The following SAMTOR variants were observed in gnomAD, a reference collection of about 807,000 sequenced individuals.
SAMTOR encodes the protein S-adenosylmethionine sensor upstream of mTORC1.
At chr7:112,896,026 C>T in the SAMTOR span, among the ~76,000 whole-genome samples, 2 of 152,132 alleles carry the variant, frequency 1.3e-5, no homozygotes, top group African/African-American at 4.8e-5. Context: ...TCGACTAAAA[C>T]TTCTCCAGCA....
At chr7:112,870,353 A>G in the SAMTOR span, among the ~76,000 whole-genome samples, 1 of 152,230 alleles carries the variant, frequency 6.6e-6, no homozygotes, top group African/African-American at 2.4e-5. Flanking sequence ...CTTACAAGCC[A>G]TAAGAGATTG....
the SAMTOR span, among the ~76,000 whole-genome samples, chr7:112,902,516 G>A: frequency 6.6e-6 from 1 of 150,664 alleles, no homozygotes; most frequent in Admixed American, 6.6e-5. Flanking sequence ...GGATTTTTAG[G>A]GCAGTTAAAC....
At chr7:112,939,346 G>T in the SAMTOR span, 2 of 581,122 alleles carry the variant, frequency 3.4e-6, no homozygotes, top group East Asian at 3.0e-5. Flanking sequence ...CTTGGAGGGG[G>T]TGGGGACTCA....
At chr7:112,906,042 T>G in the SAMTOR span, among the ~76,000 whole-genome samples, 17 of 152,074 alleles carry the variant, frequency 1.1e-4, no homozygotes, top group Non-Finnish European at 2.2e-4. Flanking sequence ...TGTAAAACAT[T>G]AAAAAATGAA....
chr7:112,856,126 T>C, the SAMTOR span, among the ~76,000 whole-genome samples: 12 of 152,308 alleles, frequency 7.9e-5, no homozygotes, highest in East Asian at 2.3e-3. Flanking sequence ...AGAAATTCAG[T>C]TAAATGAATG....
At chr7:112,902,028 C>T in the SAMTOR span, among the ~76,000 whole-genome samples, 1 of 152,002 alleles carries the variant, frequency 6.6e-6, no homozygotes, top group Non-Finnish European at 1.5e-5. Context: ...GTAAAAGAAG[C>T]CAATCAGAAA....
At chr7:112,834,236 A>T in the SAMTOR span, among the ~76,000 whole-genome samples, 1 of 152,224 alleles carries the variant, frequency 6.6e-6, no homozygotes, top group East Asian at 1.9e-4. Flanking sequence ...ATGAACATGA[A>T]TAGTTATCCA....
At chr7:112,827,357 TTCCCCTCTTCCTTCA>T in the SAMTOR span, among the ~76,000 whole-genome samples, 8 of 152,234 alleles carry the variant, frequency 5.3e-5, no homozygotes, top group Admixed American at 5.2e-4. Context: ...TGTTGTTCCC[TTCCCCTCTTCCTTCA>T]TCTTTTGAAT....
the SAMTOR span, among the ~76,000 whole-genome samples, chr7:112,902,448 A>AAAAAAAAAAAAAC: frequency 2.5e-5 from 3 of 120,344 alleles, 1 homozygote; most frequent in Non-Finnish European, 5.2e-5. Context: ...ACAAAAAAAA[A>AAAAAAAAAAAAAC]CAAAAAAAAA....
At chr7:112,927,553 T>G in the SAMTOR span, among the ~76,000 whole-genome samples, 4 of 151,956 alleles carry the variant, frequency 2.6e-5, no homozygotes, top group Middle Eastern at 3.2e-3. Flanking sequence ...CTTATAGGCA[T>G]TCTAGAAAAA....
chr7:112,914,103 GAATT>G, the SAMTOR span, among the ~76,000 whole-genome samples: 1 of 151,858 alleles, frequency 6.6e-6, no homozygotes, highest in African/African-American at 2.4e-5. Context: ...ATTTTTCTCT[GAATT>G]ATTTGTTGAA....
chr7:112,909,821 G>A, the SAMTOR span, among the ~76,000 whole-genome samples: 3 of 151,278 alleles, frequency 2.0e-5, no homozygotes, highest in African/African-American at 4.8e-5. Flanking sequence ...TTAAACTGGA[G>A]TGGAAAATAT....
At chr7:112,908,626 G>A in the SAMTOR span, among the ~76,000 whole-genome samples, 17 of 152,162 alleles carry the variant, frequency 1.1e-4, no homozygotes, top group African/African-American at 4.1e-4. Context: ...GTATATAACA[G>A]TATACAACAC....
At chr7:112,840,301 C>T in the SAMTOR span, among the ~76,000 whole-genome samples, 2 of 151,878 alleles carry the variant, frequency 1.3e-5, no homozygotes, top group Non-Finnish European at 2.9e-5. Context: ...CCAGACCATA[C>T]AAAACCTTGA....
chr7:112,915,575 T>A, the SAMTOR span: 1 of 557,330 alleles, frequency 1.8e-6, no homozygotes, highest in Non-Finnish European at 2.7e-6. Context: ...AACCATAAAA[T>A]TTTAAACATT....
chr7:112,934,791 C>G, the SAMTOR span, among the ~76,000 whole-genome samples: 2 of 152,154 alleles, frequency 1.3e-5, no homozygotes, highest in Non-Finnish European at 2.9e-5. Flanking sequence ...ATTAAACAAT[C>G]AAGGAATCTG....
At chr7:112,905,076 C>T in the SAMTOR span, among the ~76,000 whole-genome samples, 1 of 152,228 alleles carries the variant, frequency 6.6e-6, no homozygotes, top group South Asian at 2.1e-4. Context: ...GACCATATAC[C>T]AGACAACAAC....
chr7:112,920,322 C>A, the SAMTOR span, among the ~76,000 whole-genome samples: 2 of 152,022 alleles, frequency 1.3e-5, no homozygotes, highest in Admixed American at 1.3e-4. Context: ...TGTAATCCAG[C>A]ATATAAACAG....
chr7:112,913,813 T>A, the SAMTOR span, among the ~76,000 whole-genome samples: 22 of 152,090 alleles, frequency 1.4e-4, no homozygotes, highest in Non-Finnish European at 2.8e-4. Flanking sequence ...CTTTATATCA[T>A]TGGCACACAT....
Sources: gnomAD v4.1 joint callset for allele counts (sites outside exome capture counted in the v4.1 genomes callset) on GRCh38, gnomAD v4.1.1 for gene constraint, MANE v1.5 for transcripts, NCBI Gene and HGNC (gene_info 2026-07-23, HGNC 2026-07-21) for gene names.